Variants in PDZRN3 observed in about 807,000 individuals in gnomAD.
The protein encoded by PDZRN3 is PDZ domain containing ring finger 3, also known as E3 ubiquitin-protein ligase PDZRN3.
In PDZRN3, 38 loss-of-function variants were observed where a neutral mutation model predicts 85.7. The ratio of observed to expected loss-of-function variants is 0.44; its 90% CI spans 0.34 to 0.58. The LOEUF is 0.58. PDZRN3 is among the 20% of genes least tolerant of loss of function. The pLI is 0.01. For synonymous variants in PDZRN3, 759 were observed against 638.0 expected, an observed-to-expected ratio of 1.19 and a Z score of -2.86; for missense variants, 1,629 against 1,506.4, an observed-to-expected ratio of 1.08 and a Z score of -1.35.
chr3:73,414,008 A>ACTAAGTTGTCTCAATGT (rs1489050834), intron 3 of PDZRN3, among the ~76,000 whole-genome samples: 2 of 152,124 alleles, frequency 1.3e-5, no homozygotes, highest in Non-Finnish European at 2.9e-5. Context: ...TTCATTTCTT[A>ACTAAGTTGTCTCAATGT]CTAAGTTGTC....
chr3:73,391,192 T>C (rs1288285557), intron 5 of PDZRN3, 76 bp from the exon 6 acceptor site: 4 of 893,128 alleles, frequency 4.5e-6, no homozygotes, highest in Non-Finnish European at 7.5e-6. Context: ...GCTTTAAAAA[T>C]ATTATCTTCA....
intron 3 of PDZRN3, among the ~76,000 whole-genome samples, chr3:73,447,805 C>T (rs1190821258): frequency 6.6e-6 from 1 of 152,214 alleles, no homozygotes; most frequent in Non-Finnish European, 1.5e-5. Flanking sequence ...CCACCACCTG[C>T]CTTGACCTTC....
At chr3:73,551,672 G>C (rs1386971582) in intron 3 of PDZRN3, among the ~76,000 whole-genome samples, 4 of 129,536 alleles carry the variant, frequency 3.1e-5, no homozygotes, top group South Asian at 2.5e-4. Flanking sequence ...CTGGGCAACA[G>C]AGTGAGACCC....
At chr3:73,542,623 A>G (rs926674130) in intron 3 of PDZRN3, among the ~76,000 whole-genome samples, 1 of 151,854 alleles carries the variant, frequency 6.6e-6, no homozygotes, top group Non-Finnish European at 1.5e-5. Flanking sequence ...AAAATACAAA[A>G]ATTAGCTGGG....
At position 73,388,089 on chromosome 3, in the gene PDZRN3, G is replaced by A. The variant is rs1450763083; in HGVS notation, c.1417-20C>T. 1.1e-5 allele frequency: 12 copies of A among 1,127,176 alleles called. No homozygotes were observed. Among genetic ancestry groups the A allele is most frequent in the East Asian group, 2.5e-5 (1 of 39,964 alleles). The allele number at this position is 1,127,176 out of a possible 1,614,324, so 69.8% of individuals were successfully genotyped here. The stretch of plus-strand genomic sequence containing the variant: ...ATTAATCTTTTAAAAAAAAAGGGGG[G>A]GTGGGGAGAGTGGGGAGACAAATAG... On this transcript the variant is annotated intron_variant, in intron 7 of 9. Transcript: ENST00000263666.
intron 3 of PDZRN3, 101 bp from the exon 4 acceptor site, chr3:73,404,496 A>C (rs1295930747): frequency 7.8e-6 from 10 of 1,281,442 alleles, no homozygotes; most frequent in Non-Finnish European, 1.1e-5. Context: ...AGCTAAAAGA[A>C]AGAAGCAGGT....
At chr3:73,410,967 C>T (rs527593753) in intron 3 of PDZRN3, among the ~76,000 whole-genome samples, 3 of 152,302 alleles carry the variant, frequency 2.0e-5, no homozygotes, top group African/African-American at 7.2e-5. Context: ...ATAGGAAAGC[C>T]AATGGCAAGT....
chr3:73,612,276 G>C (rs1488353991), intron 1 of PDZRN3, among the ~76,000 whole-genome samples: 1 of 152,182 alleles, frequency 6.6e-6, no homozygotes, highest in Non-Finnish European at 1.5e-5. Flanking sequence ...GTGGCAAAGT[G>C]GGAAGGTCAC....
At chr3:73,453,145 T>C (rs1872960) in intron 3 of PDZRN3, among the ~76,000 whole-genome samples, 134,369 of 152,014 alleles carry the variant, frequency 0.88, 59,454 homozygotes, top group East Asian at 1. Context: ...TGGTAGCTCA[T>C]GCCTGTAATC....
intron 3 of PDZRN3, among the ~76,000 whole-genome samples, chr3:73,412,859 A>G (rs1221128385): frequency 6.6e-6 from 1 of 152,186 alleles, no homozygotes; most frequent in East Asian, 1.9e-4. Context: ...ATGTATTGAT[A>G]AAGTGGTGAG....
intron 3 of PDZRN3, among the ~76,000 whole-genome samples, chr3:73,519,721 A>C (rs1168979531): frequency 6.6e-6 from 1 of 152,172 alleles, no homozygotes. Context: ...TGGTTCTCAA[A>C]GTGTGTTCCC....
intron 3 of PDZRN3, among the ~76,000 whole-genome samples, chr3:73,483,558 T>A (rs1267886004): frequency 6.6e-6 from 1 of 152,234 alleles, no homozygotes; most frequent in Non-Finnish European, 1.5e-5. Context: ...TGCCACATAG[T>A]TAAGCAAATA....
chr3:73,585,014 A>G (rs964516520), intron 3 of PDZRN3, among the ~76,000 whole-genome samples: 13 of 152,222 alleles, frequency 8.5e-5, no homozygotes, highest in African/African-American at 3.1e-4. Flanking sequence ...TTTTAATGTG[A>G]GTCCAGGCTG....
intron 3 of PDZRN3, among the ~76,000 whole-genome samples, chr3:73,478,952 A>T (rs1426211649): frequency 6.6e-6 from 1 of 152,248 alleles, no homozygotes; most frequent in Non-Finnish European, 1.5e-5. Context: ...TTATTCTCAG[A>T]GCAGAAACTT....
Position 73,404,312 on chromosome 3 carries a change from C to G in PDZRN3, c.1002G>C (p.Gln334His). The G allele has an allele frequency of 6.2e-7, 1 of 1,614,152 alleles. No individual in the cohort carries two copies. The highest frequency in any genetic ancestry group is 8.5e-7 in the Non-Finnish European group (1 of 1,180,018). The change falls in exon 4 of 10, where the codon CAG becomes CAC. Residue 334 changes from glutamine (Q) to histidine (H), a missense_variant. Physicochemically the swap from Gln to His is conservative, Grantham distance 24. Coordinates refer to ENST00000263666, the MANE Select transcript of PDZRN3 (RefSeq NM_015009.3). ...TGGTCCTTGGTGTTCTTCTCAACAC[C>G]TGCACCACTATGGGCTCCTTGGCTG... ...FKTAKEPIVV[Q>H]VLRRTPRTKM...
chr3:73,556,336 T>G (rs1204232940), intron 3 of PDZRN3, among the ~76,000 whole-genome samples: 1 of 151,848 alleles, frequency 6.6e-6, no homozygotes, highest in East Asian at 1.9e-4. Flanking sequence ...TATATTGAAA[T>G]ATAATAAATA....
chr3:73,571,662 C>T (rs1272117578), intron 3 of PDZRN3, among the ~76,000 whole-genome samples: 2 of 152,160 alleles, frequency 1.3e-5, no homozygotes, highest in East Asian at 1.9e-4. Context: ...CCGCAGCTGC[C>T]GGGGTGAGAG....
At chr3:73,413,453 A>C (rs1279709682) in intron 3 of PDZRN3, among the ~76,000 whole-genome samples, 1 of 152,166 alleles carries the variant, frequency 6.6e-6, no homozygotes, top group Non-Finnish European at 1.5e-5. Context: ...TAAATGCTTC[A>C]CACACATGAT....
At chr3:73,477,291 G>C (rs560802810) in intron 3 of PDZRN3, among the ~76,000 whole-genome samples, 28 of 152,150 alleles carry the variant, frequency 1.8e-4, no homozygotes, top group Non-Finnish European at 3.5e-4. Flanking sequence ...GCAAGAGGAA[G>C]TATCTTGCTC....
Sources: gnomAD v4.1 joint callset for allele counts (sites outside exome capture counted in the v4.1 genomes callset) on GRCh38, gnomAD v4.1.1 for gene constraint, MANE v1.5 for transcripts, NCBI Gene and HGNC (gene_info 2026-07-23, HGNC 2026-07-21) for gene names.